SLC22A25: variants seen among roughly 807,000 people sequenced by gnomAD.
SLC22A25 encodes the protein MGI:2442751, MGI:2385316, MGI:3042283, MGI:3645714, MGI:3605624, MGI:2442750.
A neutral mutation model predicts 45.9 loss-of-function variants in SLC22A25; 44 were observed. The observed-to-expected ratio is 0.96, with a 90% CI of 0.75 to 1.23. SLC22A25 has a LOEUF of 1.23. SLC22A25 is among the 50% of genes most tolerant of loss of function. SLC22A25 has a pLI of 0.00. For synonymous variants in SLC22A25, 283 were observed against 238.6 expected (o/e 1.19, Z -1.72); for missense variants, 800 against 666.4 (o/e 1.20, Z -2.21).
In SLC22A25 at chr11:63,165,831, C is replaced by T. The variant is rs370775537; in HGVS notation, c.1285+213G>A. Among the ~76,000 whole-genome samples the T allele has an allele frequency of 2.6e-5, 4 of 152,286 alleles. No homozygotes were observed. The South Asian group carries it at 8.3e-4, about 32-fold the overall frequency. ...TACTACTTCTCAAATGTGCTGAAGA[C>T]AACCATATATCCGAGCCAATCTTAC... On this transcript the variant is annotated intron_variant, in intron 10 of 11. Transcript: ENST00000306494.
chr11:63,241,941 T>C (rs2090255400), intron 1 of SLC22A25, among the ~76,000 whole-genome samples: 2 of 152,202 alleles, frequency 1.3e-5, no homozygotes, highest in Admixed American at 1.3e-4. Context: ...GGATATTACA[T>C]TCAAACTCTG....
intron 7 of SLC22A25, among the ~76,000 whole-genome samples, chr11:63,210,460 A>T (rs939647530): frequency 6.6e-6 from 1 of 152,198 alleles, no homozygotes; most frequent in Admixed American, 6.5e-5. Context: ...AATGTGCAAG[A>T]TGCAGGCAAA....
At chr11:63,164,095 G>A in intron 11 of SLC22A25, 22 bp from the exon 12 acceptor site, 1 of 1,545,662 alleles carries the variant, frequency 6.5e-7, no homozygotes. Flanking sequence ...AACAGCAACA[G>A]AGGAAAAGTT....
intron 5 of SLC22A25, among the ~76,000 whole-genome samples, chr11:63,227,000 G>A (rs1480013516): frequency 6.6e-6 from 1 of 152,120 alleles, no homozygotes; most frequent in Admixed American, 6.6e-5. Flanking sequence ...TCAGCTTGTG[G>A]TGAATGCTTC....
At position 63,162,833 on chromosome 11, in the gene SLC22A25, A is replaced by C. The variant is rs1057293642; in HGVS notation, c.*991T>G. On this transcript the variant is annotated 3_prime_UTR_variant, in exon 12 of 12. Transcript: ENST00000306494. Reference sequence around the variant, plus strand: ...GTTATTTATTTATTTTCTAAATTTTAGTAGTATCTAGAAATGGTCTCGATT... The same window carrying C: ...GTTATTTATTTATTTTCTAAATTTTCGTAGTATCTAGAAATGGTCTCGATT... 1.3e-5 allele frequency among the ~76,000 whole-genome samples: 2 copies of C among 152,186 alleles called. No homozygotes were observed. Among genetic ancestry groups the C allele is most frequent in the Admixed American group, 1.3e-4 (2 of 15,272 alleles).
intron 9 of SLC22A25, among the ~76,000 whole-genome samples, chr11:63,176,913 TTTAACATTTC>T (rs2088108787): frequency 6.6e-6 from 1 of 152,088 alleles, no homozygotes; most frequent in African/African-American, 2.4e-5. Context: ...AAGGGTTCCC[TTTAACATTTC>T]TTATAATGCA....
chr11:63,199,824 T>C (rs2089181736), intron 7 of SLC22A25, among the ~76,000 whole-genome samples: 1 of 109,836 alleles, frequency 9.1e-6, no homozygotes, highest in Non-Finnish European at 1.8e-5. Context: ...TGTAACCTCA[T>C]ATATTCAGCC....
chr11:63,175,140 G>A (rs898856066), intron 9 of SLC22A25, among the ~76,000 whole-genome samples: 1 of 152,068 alleles, frequency 6.6e-6, no homozygotes, highest in Non-Finnish European at 1.5e-5. Flanking sequence ...TTGAAAAACT[G>A]AGATCCTAGA....
chr11:63,224,878 A>T (rs12224010), intron 5 of SLC22A25, among the ~76,000 whole-genome samples: 55,727 of 151,956 alleles, frequency 0.37, 10,528 homozygotes, highest in East Asian at 0.56. Context: ...GGTGGGTGGA[A>T]CTTGAGGTCA....
intron 7 of SLC22A25, among the ~76,000 whole-genome samples, chr11:63,213,326 T>C: frequency 6.6e-6 from 1 of 152,148 alleles, no homozygotes; most frequent in East Asian, 1.9e-4. Context: ...GGTTGCCAGA[T>C]GTAAAAAAAG....
chr11:63,186,257 C>A (rs1218069402), intron 7 of SLC22A25, among the ~76,000 whole-genome samples: 4 of 147,826 alleles, frequency 2.7e-5, no homozygotes, highest in Admixed American at 6.8e-5. Context: ...GAGATGGTAT[C>A]TCATTGTGGT....
chr11:63,243,318 A>G, intron 1 of SLC22A25, 116 bp downstream of exon 1: 1 of 484,138 alleles, frequency 2.1e-6, no homozygotes, highest in South Asian at 2.1e-5. Flanking sequence ...GGCCAACATG[A>G]TTGAACCATT....
intron 11 of SLC22A25, 117 bp downstream of exon 11, chr11:63,164,409 C>T: frequency 2.2e-6 from 2 of 919,362 alleles, no homozygotes; most frequent in Non-Finnish European, 3.3e-6. Flanking sequence ...GTTTTTATGA[C>T]TATTACATTT....
At chr11:63,233,614 G>T (rs1565128086) in intron 3 of SLC22A25, among the ~76,000 whole-genome samples, 1 of 152,054 alleles carries the variant, frequency 6.6e-6, no homozygotes, top group Non-Finnish European at 1.5e-5. Flanking sequence ...TTTTTGAAGG[G>T]TTTTTTGTGT....
rs987479204 is a variant in SLC22A25, at chr11:63,229,853, A to G, written c.-201T>C. On this transcript the variant is annotated 5_prime_UTR_variant, in exon 4 of 12. Coordinates refer to ENST00000306494, the MANE Select transcript of SLC22A25 (RefSeq NM_199352.6). ...CAAGTAGTTTTGGGGTCAGGTAGGTATCTGTTTTCTTTAGGGTCACATAAG... is the reference window on the plus strand; with the variant it reads ...CAAGTAGTTTTGGGGTCAGGTAGGTGTCTGTTTTCTTTAGGGTCACATAAG... Among the ~76,000 whole-genome samples the G allele has an allele frequency of 6.6e-6, 1 of 152,176 alleles. No homozygotes were observed. Among genetic ancestry groups the G allele is most frequent in the Non-Finnish European group, 1.5e-5 (1 of 68,030 alleles).
intron 7 of SLC22A25, among the ~76,000 whole-genome samples, chr11:63,200,055 C>T (rs1257046621): frequency 6.6e-6 from 1 of 152,034 alleles, no homozygotes; most frequent in African/African-American, 2.4e-5. Flanking sequence ...GATGGTTTCA[C>T]AGCTGAATTC....
intron 1 of SLC22A25, among the ~76,000 whole-genome samples, chr11:63,239,826 G>T (rs1450730123): frequency 6.6e-6 from 1 of 152,094 alleles, no homozygotes. Flanking sequence ...AAACTTTTCG[G>T]GGCTCGTTCC....
At chr11:63,201,476 C>A (rs2089241825) in intron 7 of SLC22A25, among the ~76,000 whole-genome samples, 1 of 152,156 alleles carries the variant, frequency 6.6e-6, no homozygotes, top group South Asian at 2.1e-4. Flanking sequence ...TAAAACTGAA[C>A]TCCTTACTTA....
chr11:63,209,701 T>G (rs2089506250), intron 7 of SLC22A25, among the ~76,000 whole-genome samples: 1 of 152,170 alleles, frequency 6.6e-6, no homozygotes, highest in Non-Finnish European at 1.5e-5. Flanking sequence ...ACTGATCTCT[T>G]AAATTGGAAA....
Sources: allele counts gnomAD v4.1 joint callset (sites outside exome capture counted in the v4.1 genomes callset), GRCh38; gene constraint gnomAD v4.1.1; transcripts MANE v1.5; gene names NCBI Gene and HGNC (gene_info 2026-07-23, HGNC 2026-07-21).